The following FBXL13 variants were observed in gnomAD, a reference collection of about 807,000 sequenced individuals.
The protein encoded by FBXL13 is F-box and leucine-rich repeat protein 13.
In FBXL13, 67 loss-of-function variants were observed where a neutral mutation model predicts 83.6. The observed-to-expected ratio is 0.80, with a 90% CI of 0.66 to 0.98. The LOEUF is 0.98. Ranked by LOEUF, FBXL13 falls within the 50% of genes least tolerant of loss-of-function variation. The pLI is 0.00. For synonymous variants in FBXL13, 272 were observed against 299.5 expected (o/e 0.91, Z 0.95); for missense variants, 822 against 866.5 (o/e 0.95, Z 0.64).
chr7:102,822,042 G>T (rs767549656), exon 19 of FBXL13: 3 of 1,614,140 alleles, frequency 1.9e-6, no homozygotes, highest in Non-Finnish European at 1.7e-6. Context: ...ATACTTACTT[G>T]GAAATATTTG....
chr7:103,039,790 A>G (rs1218324630), intron 2 of FBXL13, among the ~76,000 whole-genome samples: 1 of 152,118 alleles, frequency 6.6e-6, no homozygotes, highest in African/African-American at 2.4e-5. Context: ...AGATTTTGTC[A>G]CCACCAGGCC....
At chr7:102,917,962 C>T (rs969482837) in intron 10 of FBXL13, among the ~76,000 whole-genome samples, 1 of 152,144 alleles carries the variant, frequency 6.6e-6, no homozygotes, top group Non-Finnish European at 1.5e-5. Flanking sequence ...CTGAACAAGT[C>T]CCCAAAGAAG....
intron 16 of FBXL13, among the ~76,000 whole-genome samples, chr7:102,859,638 A>G (rs1806524956): frequency 6.6e-6 from 1 of 152,022 alleles, no homozygotes; most frequent in Non-Finnish European, 1.5e-5. Context: ...TGAGGAGGCA[A>G]GAGGTAACAG....
intron 2 of FBXL13, among the ~76,000 whole-genome samples, chr7:103,048,747 C>T (rs1376804176): frequency 6.6e-6 from 1 of 152,168 alleles, no homozygotes; most frequent in Non-Finnish European, 1.5e-5. Context: ...AATATTTTCA[C>T]ACACAGAATT....
intron 18 of FBXL13, among the ~76,000 whole-genome samples, chr7:102,826,090 C>CT (rs1253160593): frequency 3.9e-5 from 6 of 152,080 alleles, no homozygotes; most frequent in Non-Finnish European, 5.9e-5. Context: ...GAGAACTTGA[C>CT]TGTTGGCTTT....
chr7:102,872,273 T>A (rs1392585395), intron 16 of FBXL13, among the ~76,000 whole-genome samples: 1 of 152,152 alleles, frequency 6.6e-6, no homozygotes, highest in African/African-American at 2.4e-5. Context: ...AAATAGGTCT[T>A]ACTCACATTT....
chr7:103,008,108 G>A (rs748580565), intron 6 of FBXL13, among the ~76,000 whole-genome samples: 36 of 152,150 alleles, frequency 2.4e-4, no homozygotes, highest in African/African-American at 8.0e-4. Flanking sequence ...ATGAGACCAC[G>A]TCTATGGTCT....
At chr7:102,963,573 A>T (rs908229980) in exon 8 of FBXL13, 2 of 1,613,208 alleles carry the variant, frequency 1.2e-6, no homozygotes, top group Non-Finnish European at 1.7e-6. Context: ...GACAACCACG[A>T]AAATTCAAAC....
intron 10 of FBXL13, among the ~76,000 whole-genome samples, chr7:102,918,317 G>A (rs1259393464): frequency 6.6e-6 from 1 of 152,132 alleles, no homozygotes; most frequent in Non-Finnish European, 1.5e-5. Context: ...CTAGAAGGAA[G>A]AGCCAAACAA....
At chr7:103,068,590 C>A (rs886157675) in intron 1 of FBXL13, among the ~76,000 whole-genome samples, 1 of 152,220 alleles carries the variant, frequency 6.6e-6, no homozygotes, top group Admixed American at 6.5e-5. Flanking sequence ...AGTGAGCTGA[C>A]AATGCACAGC....
At chr7:102,874,913 A>T (rs778026154) in intron 16 of FBXL13, among the ~76,000 whole-genome samples, 5 of 152,216 alleles carry the variant, frequency 3.3e-5, no homozygotes, top group Non-Finnish European at 7.3e-5. Flanking sequence ...AAATTTTAAT[A>T]TACAGTCTTT....
chr7:102,878,306 G>A (rs541385077), intron 15 of FBXL13, 25 bp downstream of exon 16: 5 of 1,573,110 alleles, frequency 3.2e-6, no homozygotes, highest in African/African-American at 2.7e-5. Context: ...CTAATGATAT[G>A]ATGTAAAAGA....
intron 16 of FBXL13, among the ~76,000 whole-genome samples, chr7:102,874,719 A>G (rs780761635): frequency 6.6e-6 from 1 of 151,866 alleles, no homozygotes; most frequent in African/African-American, 2.4e-5. Context: ...GGTGCACATC[A>G]CCACACCCGG....
chr7:102,871,883 C>T (rs1808580127), intron 16 of FBXL13, among the ~76,000 whole-genome samples: 1 of 152,122 alleles, frequency 6.6e-6, no homozygotes, highest in South Asian at 2.1e-4. Context: ...CTCCTCATCT[C>T]TTCCTTTAAC....
At chr7:102,937,463 C>T (rs1352474801) in intron 8 of FBXL13, among the ~76,000 whole-genome samples, 8 of 146,608 alleles carry the variant, frequency 5.5e-5, no homozygotes, top group Admixed American at 2.8e-4. Context: ...GCTGAGATCA[C>T]GCCACTGCAC....
chr7:102,939,628 C>A, intron 8 of FBXL13: 2 of 1,543,658 alleles, frequency 1.3e-6, no homozygotes, highest in South Asian at 2.5e-5. Flanking sequence ...GGCAAGTGTT[C>A]TGTGATTTTT....
At chr7:102,993,525 TA>T (rs1255289566) in intron 6 of FBXL13, among the ~76,000 whole-genome samples, 3 of 151,466 alleles carry the variant, frequency 2.0e-5, no homozygotes, top group African/African-American at 7.2e-5. Context: ...GAAACTGCAT[TA>T]CTTAACTATT....
chr7:102,973,819 C>T, intron 6 of FBXL13: 1 of 714,832 alleles, frequency 1.4e-6, no homozygotes, highest in Admixed American at 2.0e-5. Flanking sequence ...CATACAGCCT[C>T]TCTTGGTTTC....
intron 10 of FBXL13, among the ~76,000 whole-genome samples, chr7:102,921,635 A>G (rs865865): frequency 0.24 from 36,188 of 151,880 alleles, 5,057 homozygotes; most frequent in East Asian, 0.59. Flanking sequence ...AGCCGAGATC[A>G]TACCACTGCA....
Sources: gnomAD v4.1 joint callset for allele counts (sites outside exome capture counted in the v4.1 genomes callset) on GRCh38, gnomAD v4.1.1 for gene constraint, MANE v1.5 for transcripts, NCBI Gene and HGNC (gene_info 2026-07-23, HGNC 2026-07-21) for gene names.